ATP6V0D2: variants seen among roughly 807,000 people sequenced by gnomAD.
The protein encoded by ATP6V0D2 is ATPase H+ transporting V0 subunit d2.
A neutral mutation model predicts 40.0 loss-of-function variants in ATP6V0D2; 40 were observed. The observed-to-expected ratio is 1.00, with a 90% confidence interval of 0.78 to 1.30. ATP6V0D2 has a LOEUF of 1.30. ATP6V0D2 is among the 50% of genes most tolerant of loss of function. ATP6V0D2 has a pLI of 0.00. For missense variants in ATP6V0D2, 470 were observed against 423.1 expected, an observed-to-expected ratio of 1.11 and a Z score of -0.97; for synonymous variants, 179 against 156.3, an observed-to-expected ratio of 1.15 and a Z score of -1.08.
chr8:86,136,931 G>C (rs768977598), intron 2 of ATP6V0D2, among the ~76,000 whole-genome samples: 3 of 152,028 alleles, frequency 2.0e-5, no homozygotes, highest in Admixed American at 2.0e-4. Context: ...TCTGATCTGC[G>C]ACCTTGCCTT....
intron 5 of ATP6V0D2, among the ~76,000 whole-genome samples, chr8:86,144,051 G>A (rs541420943): frequency 6.6e-6 from 1 of 152,096 alleles, no homozygotes; most frequent in African/African-American, 2.4e-5. Flanking sequence ...ATTCACAGTT[G>A]GTAAGCTCAT....
rs972118690 is a variant in ATP6V0D2 at position 86,099,128 on chromosome 8, C to A, written c.130+20C>A. 6.4e-7 allele frequency: 1 copy of A among 1,556,692 alleles called. No homozygotes were observed. Among genetic ancestry groups the A allele is most frequent in the Non-Finnish European group, 8.6e-7 (1 of 1,159,172 alleles). On this transcript the variant is annotated intron_variant, in intron 1 of 7. Transcript: ENST00000285393. ...TAGAAGGTAAGTGTAGCTCTTCTCA[C>A]CCTTTAAAAAGAAAAAAAAAAAAAT... is the stretch of plus-strand genomic sequence containing the variant.
At chr8:86,100,217 T>G (rs1818377845) in intron 1 of ATP6V0D2, among the ~76,000 whole-genome samples, 1 of 143,950 alleles carries the variant, frequency 6.9e-6, no homozygotes, top group South Asian at 2.1e-4. Context: ...TAAACCACAT[T>G]TTTTTTTTCA....
chr8:86,129,982 G>GAAAAAAAAAAAAAAAAAA (rs869058078), intron 2 of ATP6V0D2, among the ~76,000 whole-genome samples: 2 of 92,826 alleles, frequency 2.2e-5, no homozygotes, highest in South Asian at 3.2e-4. Flanking sequence ...GTCTCGAAAA[G>GAAAAAAAAAAAAAAAAAA]AAAAAAAAAA....
chr8:86,110,686 G>A (rs912459168), intron 1 of ATP6V0D2, among the ~76,000 whole-genome samples: 2 of 152,140 alleles, frequency 1.3e-5, no homozygotes, highest in Admixed American at 6.5e-5. Context: ...AAATGTCTAC[G>A]TGCAAGACAA....
intron 1 of ATP6V0D2, among the ~76,000 whole-genome samples, chr8:86,105,609 C>CT (rs1818459435): frequency 8.8e-6 from 1 of 113,324 alleles, no homozygotes; most frequent in South Asian, 2.9e-4. Context: ...CTGTAAACTT[C>CT]TTTTTTCTTT....
intron 1 of ATP6V0D2, 140 bp from the exon 2 acceptor site, chr8:86,113,569 A>G: frequency 3.0e-6 from 2 of 662,464 alleles, no homozygotes; most frequent in Non-Finnish European, 2.4e-6. Context: ...AGTCTAAATC[A>G]TATTTAGACC....
intron 2 of ATP6V0D2, among the ~76,000 whole-genome samples, chr8:86,118,007 T>TTTCC (rs1818613564): frequency 1.9e-5 from 1 of 52,872 alleles, no homozygotes; most frequent in Admixed American, 1.8e-4. Context: ...CTTTGTTTTC[T>TTTCC]TTCTTTCTTT....
chr8:86,120,018 C>T (rs866156695), intron 2 of ATP6V0D2, among the ~76,000 whole-genome samples: 12 of 152,104 alleles, frequency 7.9e-5, no homozygotes, highest in Non-Finnish European at 1.6e-4. Flanking sequence ...TTTTTATTGA[C>T]CATTATGTTA....
chr8:86,151,226 T>C lies in ATP6V0D2; in HGVS notation c.817-240T>C, dbSNP rs4990403. On this transcript the variant is annotated intron_variant, in intron 6 of 7. Transcript: ENST00000285393. ...GAAAATGAGCTCAAACACTGTATAC[T>C]GAGAGTTGAATTGCCTTGTAGCCCT... Among the ~76,000 whole-genome samples, 18,891 of 152,080 alleles carry C rather than the reference T, an allele frequency of 0.12. 1,273 individuals carry two copies. The highest frequency in any genetic ancestry group is 0.16 in the Non-Finnish European group (10,572 of 67,948).
chr8:86,154,078 A>ATTTTGT lies in ATP6V0D2; in HGVS notation c.*1111_*1116dup. 1 of 151,978 alleles carries ATTTTGT rather than the reference A, an allele frequency of 6.6e-6. No individual in the cohort carries two copies. Among genetic ancestry groups the ATTTTGT allele is most frequent in the South Asian group, 2.1e-4 (1 of 4,812 alleles). 9.4% of individuals were successfully genotyped at this position (151,978 alleles called of 1,614,324 possible). On this transcript the variant is annotated 3_prime_UTR_variant, in exon 8 of 8. Transcript: ENST00000285393. Reference sequence around the variant, plus strand: ...GTTCAGCCACTGCACCTGGCCCCTTATTTTGTTTTTGTTTTCTAATATACT... The same window carrying ATTTTGT: ...GTTCAGCCACTGCACCTGGCCCCTTATTTTGTTTTTGTTTTTGTTTTCTAATATACT...
At chr8:86,138,702 G>A (rs1052245477) in intron 2 of ATP6V0D2, among the ~76,000 whole-genome samples, 1 of 152,162 alleles carries the variant, frequency 6.6e-6, no homozygotes, top group Non-Finnish European at 1.5e-5. Context: ...AATCCTCAGT[G>A]ATAGGCTTCA....
rs1393077039 is a variant in ATP6V0D2 at position 86,105,526 on chromosome 8, G to C, written c.130+6418G>C. The stretch of plus-strand genomic sequence containing the variant: ...TTGCGCAGGCTGGTCTTGAACTCCT[G>C]AGCTCAAGTGATCTGCCCACCTCAG... On this transcript the variant is annotated intron_variant, in intron 1 of 7. Transcript: ENST00000285393. Among the ~76,000 whole-genome samples, 11 of 151,988 alleles carry C rather than the reference G, an allele frequency of 7.2e-5. No homozygotes were observed. The South Asian group carries it at 2.3e-3, about 32-fold the overall frequency.
chr8:86,125,456 C>G (rs72686763), intron 2 of ATP6V0D2, among the ~76,000 whole-genome samples: 4,958 of 152,204 alleles, frequency 0.033, 100 homozygotes, highest in Middle Eastern at 0.068. Context: ...TGAAAATAAG[C>G]ACGTGTGTTT....
intron 2 of ATP6V0D2, among the ~76,000 whole-genome samples, chr8:86,130,900 G>A (rs1818814768): frequency 6.6e-6 from 1 of 151,936 alleles, no homozygotes; most frequent in East Asian, 1.9e-4. Flanking sequence ...CAAGGTCTGG[G>A]TTTATCTCCG....
intron 1 of ATP6V0D2, among the ~76,000 whole-genome samples, chr8:86,101,495 A>G (rs1406182430): frequency 6.6e-6 from 1 of 151,448 alleles, no homozygotes; most frequent in African/African-American, 2.4e-5. Context: ...AGAATTCTAG[A>G]AAGTAAAAAG....
intron 5 of ATP6V0D2, among the ~76,000 whole-genome samples, chr8:86,144,734 A>G (rs1033398216): frequency 6.6e-6 from 1 of 152,108 alleles, no homozygotes; most frequent in African/African-American, 2.4e-5. Flanking sequence ...TGGCATGATC[A>G]TGGCTCACTG....
At chr8:86,147,985 A>G (rs933529226) in intron 5 of ATP6V0D2, among the ~76,000 whole-genome samples, 4 of 152,124 alleles carry the variant, frequency 2.6e-5, no homozygotes, top group African/African-American at 4.8e-5. Flanking sequence ...TTTCCCAATG[A>G]TTGAGCCATG....
intron 2 of ATP6V0D2, among the ~76,000 whole-genome samples, chr8:86,123,013 G>A (rs959143634): frequency 3.3e-5 from 5 of 152,260 alleles, no homozygotes; most frequent in East Asian, 3.9e-4. Context: ...TGCTGCAGAC[G>A]ATACCCCCTC....
Sources: gnomAD v4.1 joint callset for allele counts (sites outside exome capture counted in the v4.1 genomes callset) on GRCh38, gnomAD v4.1.1 for gene constraint, MANE v1.5 for transcripts, NCBI Gene and HGNC (gene_info 2026-07-23, HGNC 2026-07-21) for gene names.